CNBD1: variants seen among roughly 807,000 people sequenced by gnomAD.
CNBD1 encodes the protein cyclic nucleotide-binding domain-containing protein 1.
Under a neutral mutation model 54.4 loss-of-function variants are expected in CNBD1, and 71 were observed. The ratio of observed to expected loss-of-function variants is 1.30; its 90% CI spans 1.08 to 1.59. The LOEUF is 1.59. CNBD1 is among the 40% of genes most tolerant of loss of function. CNBD1 has a pLI of 0.00. For synonymous variants in CNBD1, 182 were observed against 170.7 expected (o/e 1.07, Z -0.51); for missense variants, 659 against 518.0 (o/e 1.27, Z -2.64).
chr8:86,952,418 C>T (rs1477738078), intron 4 of CNBD1, among the ~76,000 whole-genome samples: 1 of 151,812 alleles, frequency 6.6e-6, no homozygotes, highest in Admixed American at 6.6e-5. Context: ...ACAGAGCTAT[C>T]TATATTTTAT....
chr8:87,060,474 A>G (rs955056888), intron 4 of CNBD1, among the ~76,000 whole-genome samples: 1 of 152,236 alleles, frequency 6.6e-6, no homozygotes, highest in Non-Finnish European at 1.5e-5. Context: ...ATTACAAAAC[A>G]TCACAAATTA....
At chr8:86,898,669 C>T (rs1370036927) in intron 2 of CNBD1, among the ~76,000 whole-genome samples, 1 of 152,038 alleles carries the variant, frequency 6.6e-6, no homozygotes, top group Non-Finnish European at 1.5e-5. Context: ...ACAAAATTAA[C>T]TCAAAATGGA....
chr8:87,320,297 A>T (rs369279965), intron 8 of CNBD1, among the ~76,000 whole-genome samples: 2 of 152,224 alleles, frequency 1.3e-5, no homozygotes, highest in South Asian at 4.1e-4. Context: ...TAATCACTTA[A>T]TTACATTAAG....
At chr8:87,150,904 C>A (rs1357510502) in intron 4 of CNBD1, among the ~76,000 whole-genome samples, 1 of 152,132 alleles carries the variant, frequency 6.6e-6, no homozygotes, top group East Asian at 1.9e-4. Context: ...GAAAAAATTA[C>A]ATCTCAAGAA....
chr8:87,222,688 A>G (rs1403131559), intron 5 of CNBD1, among the ~76,000 whole-genome samples: 2 of 152,190 alleles, frequency 1.3e-5, no homozygotes, highest in Non-Finnish European at 2.9e-5. Flanking sequence ...AATGTTTAGC[A>G]AGATTCACAA....
At chr8:87,092,409 AT>A (rs1350806338) in intron 4 of CNBD1, among the ~76,000 whole-genome samples, 1 of 118,904 alleles carries the variant, frequency 8.4e-6, no homozygotes, top group Non-Finnish European at 1.8e-5. Flanking sequence ...GTGTGTGTAT[AT>A]GTGTGTGTAT....
At chr8:86,945,155 A>G (rs992922203) in intron 4 of CNBD1, among the ~76,000 whole-genome samples, 1 of 152,178 alleles carries the variant, frequency 6.6e-6, no homozygotes, top group Admixed American at 6.5e-5. Flanking sequence ...TCTGGGGAAA[A>G]AAAGTTATGT....
At chr8:87,353,166 A>C (rs1261405249) in intron 9 of CNBD1, among the ~76,000 whole-genome samples, 2 of 152,232 alleles carry the variant, frequency 1.3e-5, no homozygotes, top group African/African-American at 2.4e-5. Flanking sequence ...TAAACAGAAA[A>C]GACAGGGAAT....
At chr8:87,092,399 G>A (rs1811225257) in intron 4 of CNBD1, among the ~76,000 whole-genome samples, 1 of 145,390 alleles carries the variant, frequency 6.9e-6, no homozygotes, top group Non-Finnish European at 1.5e-5. Context: ...ATATATGTGT[G>A]TGTGTGTATA....
intron 4 of CNBD1, among the ~76,000 whole-genome samples, chr8:86,989,476 A>G (rs1212653862): frequency 6.6e-6 from 1 of 151,950 alleles, no homozygotes; most frequent in Non-Finnish European, 1.5e-5. Context: ...TTTCAGATGG[A>G]GTCTCGCTCT....
intron 8 of CNBD1, among the ~76,000 whole-genome samples, chr8:87,296,071 G>A (rs938431653): frequency 2.0e-5 from 3 of 151,926 alleles, no homozygotes; most frequent in African/African-American, 7.2e-5. Flanking sequence ...GTATATTCTA[G>A]ACATTCTATA....
intron 4 of CNBD1, among the ~76,000 whole-genome samples, chr8:87,023,474 T>C (rs112386469): frequency 0.015 from 2,307 of 152,352 alleles, 51 homozygotes; most frequent in African/African-American, 0.053. Flanking sequence ...ATTTTGACTT[T>C]TTGCATTATT....
At chr8:87,133,528 G>A (rs1349958162) in intron 4 of CNBD1, among the ~76,000 whole-genome samples, 1 of 152,152 alleles carries the variant, frequency 6.6e-6, no homozygotes, top group Non-Finnish European at 1.5e-5. Flanking sequence ...TCATGGAAAA[G>A]TCAAAGCATG....
At chr8:87,396,477 G>A (rs932283622) in intron 2 of CNBD1, among the ~76,000 whole-genome samples, 4 of 151,908 alleles carry the variant, frequency 2.6e-5, no homozygotes, top group Non-Finnish European at 4.4e-5. Flanking sequence ...GTATGCCTGT[G>A]TTTCTTACTT....
At chr8:87,404,786 C>A (rs1257447595) in intron 2 of CNBD1, among the ~76,000 whole-genome samples, 2 of 152,092 alleles carry the variant, frequency 1.3e-5, no homozygotes, top group Non-Finnish European at 2.9e-5. Context: ...CTATCCAGAT[C>A]TTCTGCTACT....
intron 3 of CNBD1, among the ~76,000 whole-genome samples, chr8:86,924,641 G>T: frequency 6.6e-6 from 1 of 152,014 alleles, no homozygotes; most frequent in South Asian, 2.1e-4. Context: ...TTTCTGAATT[G>T]AATTATAAAT....
chr8:86,984,401 G>T (rs550575846), intron 4 of CNBD1, among the ~76,000 whole-genome samples: 1 of 152,282 alleles, frequency 6.6e-6, no homozygotes, highest in East Asian at 1.9e-4. Flanking sequence ...CCCTACTGGG[G>T]CGCAATCTAG....
intron 4 of CNBD1, among the ~76,000 whole-genome samples, chr8:87,008,014 T>C (rs950541567): frequency 6.6e-6 from 1 of 152,214 alleles, no homozygotes; most frequent in Middle Eastern, 3.2e-3. Flanking sequence ...TGCATGCTCA[T>C]ATTGTTTTCA....
intron 4 of CNBD1, among the ~76,000 whole-genome samples, chr8:87,045,409 T>A (rs1021234462): frequency 6.6e-6 from 1 of 152,220 alleles, no homozygotes; most frequent in Non-Finnish European, 1.5e-5. Flanking sequence ...CTTAAGCACC[T>A]GTAAGTTTTA....
Sources: gnomAD v4.1 joint callset for allele counts (sites outside exome capture counted in the v4.1 genomes callset) on GRCh38, gnomAD v4.1.1 for gene constraint, MANE v1.5 for transcripts, NCBI Gene and HGNC (gene_info 2026-07-23, HGNC 2026-07-21) for gene names.